Variants in ROBO2 observed in about 807,000 individuals in gnomAD.
ROBO2 encodes roundabout homolog 2.
ROBO2 carries 53 observed loss-of-function variants against 160.8 expected under a neutral mutation model. The observed-to-expected ratio is 0.33, with a 90% CI of 0.26 to 0.41. ROBO2 has a LOEUF of 0.41. Among genes scored for constraint, ROBO2 ranks in the 10% least tolerant of loss-of-function variants. The pLI is 1.00. For missense variants in ROBO2, 1,577 were observed against 1,722.4 expected, an observed-to-expected ratio of 0.92 and a Z score of 1.49; for synonymous variants, 664 against 611.7, an observed-to-expected ratio of 1.09 and a Z score of -1.26.
At chr3:77,465,846 A>T (rs568838020) in intron 2 of ROBO2, among the ~76,000 whole-genome samples, 1 of 152,174 alleles carries the variant, frequency 6.6e-6, no homozygotes, top group East Asian at 1.9e-4. Context: ...CTTCAAGCAC[A>T]TTGTTCTCCA....
chr3:76,233,288 C>T (rs1370131796), intron 2 of ROBO2, among the ~76,000 whole-genome samples: 1 of 152,030 alleles, frequency 6.6e-6, no homozygotes, highest in African/African-American at 2.4e-5. Flanking sequence ...GGCTTACAGG[C>T]ACTTGCCACC....
chr3:77,485,663 T>G (rs2085266292), intron 4 of ROBO2, among the ~76,000 whole-genome samples: 2 of 152,230 alleles, frequency 1.3e-5, no homozygotes, highest in South Asian at 4.1e-4. Flanking sequence ...ACCTCCTTGG[T>G]TTTTCTTTTC....
intron 2 of ROBO2, among the ~76,000 whole-genome samples, chr3:76,450,020 G>A (rs1577277548): frequency 6.6e-6 from 1 of 152,130 alleles, no homozygotes; most frequent in Non-Finnish European, 1.5e-5. Flanking sequence ...GTCATTTATC[G>A]AAATAATCTT....
At chr3:76,404,609 A>G (rs1320748829) in intron 2 of ROBO2, among the ~76,000 whole-genome samples, 2 of 151,234 alleles carry the variant, frequency 1.3e-5, no homozygotes, top group Non-Finnish European at 3.0e-5. Context: ...CATGAACATA[A>G]AGCTACAATC....
intron 2 of ROBO2, among the ~76,000 whole-genome samples, chr3:76,343,477 C>T (rs1038290453): frequency 6.6e-6 from 1 of 151,896 alleles, no homozygotes; most frequent in East Asian, 1.9e-4. Context: ...AAGTTTTGCA[C>T]ATGAGAACTT....
At chr3:76,854,040 CTCTCTCT>C (rs2069736711) in intron 2 of ROBO2, among the ~76,000 whole-genome samples, 1 of 88,556 alleles carries the variant, frequency 1.1e-5, no homozygotes, top group Non-Finnish European at 2.4e-5. Context: ...CTCTCTCTCT[CTCTCTCT>C]CTCTCTCTCT....
chr3:77,180,482 C>T (rs1449324341), intron 2 of ROBO2, among the ~76,000 whole-genome samples: 1 of 134,708 alleles, frequency 7.4e-6, no homozygotes, highest in African/African-American at 2.8e-5. Flanking sequence ...GTCGCCCTGG[C>T]TAGAGTGCAG....
chr3:76,346,227 T>C (rs1382462920), intron 2 of ROBO2, among the ~76,000 whole-genome samples: 1 of 152,068 alleles, frequency 6.6e-6, no homozygotes, highest in Non-Finnish European at 1.5e-5. Flanking sequence ...GTACTAACAG[T>C]TTTTTATAGT....
intron 2 of ROBO2, among the ~76,000 whole-genome samples, chr3:76,401,506 T>G (rs954728040): frequency 2.6e-5 from 4 of 151,538 alleles, no homozygotes; most frequent in African/African-American, 9.7e-5. Flanking sequence ...GAAACAGGCT[T>G]TTAACAAAGG....
intron 15 of ROBO2, among the ~76,000 whole-genome samples, chr3:77,578,011 G>C (rs939392681): frequency 6.6e-6 from 1 of 151,878 alleles, no homozygotes; most frequent in South Asian, 2.1e-4. Flanking sequence ...AAGATGCTTC[G>C]GGGGTTAAAG....
Position 75,993,400 on chromosome 3 carries a change from A to G in ROBO2, c.109+55798A>G, listed in dbSNP as rs148578794. 3.1e-4 allele frequency among the ~76,000 whole-genome samples: 47 copies of G among 152,262 alleles called. 1 individual carries two copies. The East Asian group carries it at 8.1e-3, about 26-fold the overall frequency. On this transcript the variant is annotated intron_variant, in intron 2 of 26. Transcript: ENST00000487694. ...CCTCTCTCTCTTTGTGCCTGCTACCATGCATGTAAGATTTGACTTACCCTG... is the reference window on the plus strand; with the variant it reads ...CCTCTCTCTCTTTGTGCCTGCTACCGTGCATGTAAGATTTGACTTACCCTG...
intron 2 of ROBO2, among the ~76,000 whole-genome samples, chr3:76,078,365 G>C (rs533612846): frequency 5.9e-5 from 9 of 152,100 alleles, no homozygotes; most frequent in African/African-American, 2.2e-4. Flanking sequence ...ATTTATTTAT[G>C]TATTTATTTA....
chr3:75,931,841 C>G (rs2106941637), intron 1 of ROBO2, among the ~76,000 whole-genome samples: 1 of 152,058 alleles, frequency 6.6e-6, no homozygotes, highest in Admixed American at 6.6e-5. Context: ...CTGTCTTCAT[C>G]TTCAGAATTA....
intron 2 of ROBO2, among the ~76,000 whole-genome samples, chr3:76,907,822 GGGTGTGTGT>G (rs1490517482): frequency 2.6e-5 from 3 of 116,982 alleles, no homozygotes; most frequent in Non-Finnish European, 5.5e-5. Context: ...TGTTTGTTTG[GGGTGTGTGT>G]GTGTGTGTGT....
chr3:77,021,074 G>A (rs957109389), intron 2 of ROBO2, among the ~76,000 whole-genome samples: 4 of 151,982 alleles, frequency 2.6e-5, no homozygotes, highest in Non-Finnish European at 5.9e-5. Context: ...TCTGGGTGTG[G>A]TGGCATACAC....
At chr3:76,745,679 A>G (rs1046506669) in intron 2 of ROBO2, among the ~76,000 whole-genome samples, 1 of 151,980 alleles carries the variant, frequency 6.6e-6, no homozygotes, top group African/African-American at 2.4e-5. Flanking sequence ...AATTCTTTAT[A>G]TATTGGAGGA....
At chr3:77,262,530 A>G (rs1027767693) in intron 2 of ROBO2, among the ~76,000 whole-genome samples, 3 of 152,112 alleles carry the variant, frequency 2.0e-5, no homozygotes, top group Middle Eastern at 3.2e-3. Context: ...TGTAAGTAAT[A>G]TATTACAACT....
chr3:76,769,906 T>C (rs949523136), intron 2 of ROBO2, among the ~76,000 whole-genome samples: 1 of 151,468 alleles, frequency 6.6e-6, no homozygotes, highest in African/African-American at 2.4e-5. Context: ...ATACCTGTCA[T>C]TGTGTTCTGC....
rs146283755 is a variant in ROBO2, at chr3:76,343,170, G to A, written c.109+405568G>A. ...TTCAGCTAATATTACAAACCTCTACGTATGGTGTGGTATATTTATTGAATA... is the reference window on the plus strand; with the variant it reads ...TTCAGCTAATATTACAAACCTCTACATATGGTGTGGTATATTTATTGAATA... On this transcript the variant is annotated intron_variant, in intron 2 of 26. Coordinates refer to the ROBO2 transcript ENST00000487694. Among the ~76,000 whole-genome samples, 511 of 152,016 alleles carry A rather than the reference G, an allele frequency of 3.4e-3. 4 individuals are homozygous for A. The highest frequency in any genetic ancestry group is 0.011 in the African/African-American group (468 of 41,502).
Sources: allele counts gnomAD v4.1 joint callset (sites outside exome capture counted in the v4.1 genomes callset), GRCh38; gene constraint gnomAD v4.1.1; transcripts MANE v1.5; gene names NCBI Gene and HGNC (gene_info 2026-07-23, HGNC 2026-07-21).